NRXN1: variants seen among roughly 807,000 people sequenced by gnomAD.
NRXN1 encodes neurexin-1.
Under a neutral mutation model 150.9 loss-of-function variants are expected in NRXN1, and 39 were observed. The ratio of observed to expected loss-of-function variants is 0.26; its 90% CI spans 0.20 to 0.34. The LOEUF is 0.34. NRXN1 is among the 10% of genes least tolerant of loss of function. The pLI is 1.00. For missense variants in NRXN1, 1,815 were observed against 1,949.9 expected (o/e 0.93, Z 1.30); for synonymous variants, 924 against 757.0 (o/e 1.22, Z -3.62).
chr2:50,154,049 C>T (rs1308281872), intron 18 of NRXN1, among the ~76,000 whole-genome samples: 1 of 151,760 alleles, frequency 6.6e-6, no homozygotes, highest in Non-Finnish European at 1.5e-5. Context: ...AGAAGTTATA[C>T]ACCTTTAATA....
At chr2:50,021,920 G>A (rs1334941403) in intron 21 of NRXN1, among the ~76,000 whole-genome samples, 9 of 152,060 alleles carry the variant, frequency 5.9e-5, no homozygotes, top group East Asian at 1.9e-4. Context: ...GCACGATCTC[G>A]GCTCACTGCA....
intron 12 of NRXN1, among the ~76,000 whole-genome samples, chr2:50,525,471 G>A (rs1213584980): frequency 6.6e-6 from 1 of 152,214 alleles, no homozygotes; most frequent in Non-Finnish European, 1.5e-5. Flanking sequence ...CTGGACAGAG[G>A]AGAGTGGTGA....
chr2:50,923,407 TA>T, intron 3 of NRXN1: 1 of 312,628 alleles, frequency 3.2e-6, no homozygotes, highest in Non-Finnish European at 6.8e-6. Context: ...TGCTGAACTC[TA>T]AGTTAGTGTA....
intron 22 of NRXN1, among the ~76,000 whole-genome samples, chr2:49,939,544 T>A (rs1302642450): frequency 9.2e-5 from 14 of 152,230 alleles, no homozygotes; most frequent in Non-Finnish European, 1.0e-4. Flanking sequence ...AAATCAAGTA[T>A]AATTGAGTTC....
intron 17 of NRXN1, among the ~76,000 whole-genome samples, chr2:50,424,853 C>G (rs546564414): frequency 6.8e-4 from 101 of 149,478 alleles, no homozygotes; most frequent in South Asian, 3.5e-3. Flanking sequence ...AGATTAATAC[C>G]AGTAATATCA....
chr2:50,493,218 G>C (rs1054819521), intron 15 of NRXN1, among the ~76,000 whole-genome samples: 12 of 152,286 alleles, frequency 7.9e-5, no homozygotes, highest in African/African-American at 2.9e-4. Context: ...AAATACTGCT[G>C]TCCATGTCTG....
At chr2:50,440,444 C>G (rs1380344840) in intron 17 of NRXN1, among the ~76,000 whole-genome samples, 1 of 151,520 alleles carries the variant, frequency 6.6e-6, no homozygotes, top group African/African-American at 2.4e-5. Flanking sequence ...AAATACTATA[C>G]CAAACTGATT....
chr2:50,187,736 T>C lies in NRXN1; in HGVS notation c.3546+49053A>G, dbSNP rs113912498. Among the ~76,000 whole-genome samples, 17 of 152,212 alleles carry C rather than the reference T, an allele frequency of 1.1e-4. 1 individual carries two copies. Among genetic ancestry groups the C allele is most frequent in the African/African-American group, 4.1e-4 (17 of 41,574 alleles). On this transcript the variant is annotated intron_variant, in intron 18 of 22. Transcript: ENST00000401669. ...CTTCTTATCCATGAGCATGGTTCCATTTGTGTCCTCTCTTATTTCCTTGAG... is the reference window on the plus strand; with the variant it reads ...CTTCTTATCCATGAGCATGGTTCCACTTGTGTCCTCTCTTATTTCCTTGAG...
At chr2:50,810,846 G>A (rs1668117328) in intron 5 of NRXN1, among the ~76,000 whole-genome samples, 1 of 152,012 alleles carries the variant, frequency 6.6e-6, no homozygotes, top group African/African-American at 2.4e-5. Context: ...CAGATGTGGT[G>A]GTGCACACCT....
chr2:50,975,405 C>T (rs1256182724), intron 2 of NRXN1, among the ~76,000 whole-genome samples: 1 of 152,068 alleles, frequency 6.6e-6, no homozygotes, highest in Non-Finnish European at 1.5e-5. Flanking sequence ...CATACATACA[C>T]ACATACAAGT....
At chr2:50,361,443 C>T (rs945444277) in intron 17 of NRXN1, among the ~76,000 whole-genome samples, 4 of 152,084 alleles carry the variant, frequency 2.6e-5, no homozygotes, top group African/African-American at 9.7e-5. Context: ...CACCACTGAT[C>T]CCACAGATAT....
chr2:50,516,758 C>CT (rs34100679), intron 12 of NRXN1, among the ~76,000 whole-genome samples: 131,097 of 151,504 alleles, frequency 0.87, 57,025 homozygotes, highest in African/African-American at 0.93. Flanking sequence ...TGCTTGCCTC[C>CT]TTTTTTTTAA....
At chr2:50,082,797 A>T (rs1698156395) in intron 19 of NRXN1, among the ~76,000 whole-genome samples, 1 of 152,084 alleles carries the variant, frequency 6.6e-6, no homozygotes, top group African/African-American at 2.4e-5. Flanking sequence ...AAAAGGATTA[A>T]CTTAAGTGAG....
chr2:50,651,714 T>C (rs1685667692), intron 5 of NRXN1, among the ~76,000 whole-genome samples: 2 of 152,086 alleles, frequency 1.3e-5, no homozygotes, highest in South Asian at 4.2e-4. Context: ...TTCCATTCTT[T>C]TTCCTCTCCT....
chr2:50,860,488 G>A (rs1675974348), intron 5 of NRXN1, among the ~76,000 whole-genome samples: 1 of 152,086 alleles, frequency 6.6e-6, no homozygotes, highest in Admixed American at 6.5e-5. Flanking sequence ...GATGAAAGGT[G>A]AAAGGTCATT....
At chr2:50,316,821 A>G (rs1372080573) in intron 17 of NRXN1, among the ~76,000 whole-genome samples, 1 of 151,970 alleles carries the variant, frequency 6.6e-6, no homozygotes, top group Non-Finnish European at 1.5e-5. Context: ...AATAGGGTAA[A>G]AAAATGTCAA....
chr2:49,946,853 T>C (rs540708315), intron 21 of NRXN1, among the ~76,000 whole-genome samples: 1 of 152,292 alleles, frequency 6.6e-6, no homozygotes, highest in South Asian at 2.1e-4. Flanking sequence ...CTGGTACCAG[T>C]ACCAAAACAG....
chr2:51,021,564 A>ATC (rs1669618956), intron 2 of NRXN1, among the ~76,000 whole-genome samples: 1 of 151,978 alleles, frequency 6.6e-6, no homozygotes, highest in Non-Finnish European at 1.5e-5. Context: ...ATATATATAT[A>ATC]TACACAATTT....
At chr2:50,281,086 C>T (rs1176577255) in intron 17 of NRXN1, among the ~76,000 whole-genome samples, 1 of 148,674 alleles carries the variant, frequency 6.7e-6, no homozygotes, top group African/African-American at 2.5e-5. Flanking sequence ...GGGCAGATCA[C>T]GAGGTCAGAA....
Sources: allele counts gnomAD v4.1 joint callset (sites outside exome capture counted in the v4.1 genomes callset), GRCh38; gene constraint gnomAD v4.1.1; transcripts MANE v1.5; gene names NCBI Gene and HGNC (gene_info 2026-07-23, HGNC 2026-07-21).